MYT1L: variants seen among roughly 807,000 people sequenced by gnomAD.
MYT1L encodes the protein myelin transcription factor 1-like protein.
A neutral mutation model predicts 126.7 loss-of-function variants in MYT1L; 12 were observed. That is an observed-to-expected ratio of 0.09 (90% CI 0.06 to 0.15). MYT1L has a LOEUF of 0.15. MYT1L is among the 10% of genes least tolerant of loss of function. The pLI is 1.00. For missense variants in MYT1L, 979 were observed against 1,585.2 expected, an observed-to-expected ratio of 0.62 and a Z score of 6.49; for synonymous variants, 541 against 604.2, an observed-to-expected ratio of 0.90 and a Z score of 1.53.
rs189752453 is a variant in MYT1L at position 1,961,059 on chromosome 2, C to T, written c.153-17725G>A. ...AGTTAGCACTCAACAATTAGTATCGCGGAATACATTTTTAGCAATCTGTAG... is the reference window on the plus strand; with the variant it reads ...AGTTAGCACTCAACAATTAGTATCGTGGAATACATTTTTAGCAATCTGTAG... On this transcript the variant is annotated intron_variant, in intron 8 of 24. Transcript: ENST00000647738. Among the ~76,000 whole-genome samples, 606 of 144,410 alleles carry T rather than the reference C, an allele frequency of 4.2e-3. 8 individuals are homozygous for T. The highest frequency in any genetic ancestry group is 0.014 in the African/African-American group (581 of 41,076). 94.7% of individuals were successfully genotyped at this position (144,410 alleles called of 152,430 possible).
In MYT1L at chr2:1,922,605, C is replaced by G. The variant is rs1310409162; in HGVS notation, c.1164G>C (p.Gln388His). The G allele has an allele frequency of 6.2e-7, 1 of 1,614,038 alleles. No homozygotes were observed. Among genetic ancestry groups the G allele is most frequent in the East Asian group, 2.2e-5 (1 of 44,876 alleles). ...CAAACACTCTCGACCGGGGGCTCAACTGCTCCTCCAGCCGCATGAGGTTCA... is the reference window on the plus strand; with the variant it reads ...CAAACACTCTCGACCGGGGGCTCAAGTGCTCCTCCAGCCGCATGAGGTTCA... ...DMLNLMRLEE[Q>H]LSPRSRVFAS... Residue 388 changes from glutamine (Q) to histidine (H), a missense_variant, in exon 10 of 25, where the codon CAG (glutamine) becomes CAC (histidine). Around this residue, in one of 12 missense-constraint regions of MYT1L, gnomAD observed 243 missense variants for 363.9 expected, o/e 0.67. Transcript: ENST00000647738. The surrounding 1 kb of genome is among the most constrained non-coding windows in gnomAD (Gnocchi z 7.4).
At chr2:1,879,247 C>A (rs1262725494) in intron 18 of MYT1L, among the ~76,000 whole-genome samples, 1 of 152,208 alleles carries the variant, frequency 6.6e-6, no homozygotes, top group Non-Finnish European at 1.5e-5. Context: ...CCAAAGGGAG[C>A]ATCTACTTTA....
At chr2:2,119,490 T>C (rs544183923) in intron 3 of MYT1L, among the ~76,000 whole-genome samples, 78 of 152,222 alleles carry the variant, frequency 5.1e-4, no homozygotes, top group Non-Finnish European at 8.1e-4. Flanking sequence ...ACTACTGAAT[T>C]AAGTATTTGA....
intron 21 of MYT1L, chr2:1,810,217 C>T (rs923233201): frequency 5.9e-5 from 9 of 151,752 alleles, no homozygotes; most frequent in Admixed American, 3.9e-4. Context: ...GCCTCTGCCT[C>T]CTGGGTTCCA....
intron 9 of MYT1L, among the ~76,000 whole-genome samples, chr2:1,934,727 T>TACACACACACAC (rs56320658): frequency 1.0e-4 from 14 of 138,390 alleles, no homozygotes; most frequent in African/African-American, 2.7e-4. Flanking sequence ...CTCTGTCATG[T>TACACACACACAC]ACACACACAC....
intron 2 of MYT1L, among the ~76,000 whole-genome samples, chr2:2,197,105 G>A (rs2148791564): frequency 6.6e-6 from 1 of 152,266 alleles, no homozygotes; most frequent in South Asian, 2.1e-4. Context: ...TTGAATGTTG[G>A]TTAGGGAACA....
chr2:1,956,541 CTA>C (rs1186073011), intron 8 of MYT1L, among the ~76,000 whole-genome samples: 3 of 147,060 alleles, frequency 2.0e-5, no homozygotes, highest in African/African-American at 7.5e-5. Flanking sequence ...ATCTATCTAT[CTA>C]TCTATCATCT....
intron 2 of MYT1L, among the ~76,000 whole-genome samples, chr2:2,246,852 T>C (rs2094545089): frequency 6.6e-6 from 1 of 152,202 alleles, no homozygotes; most frequent in South Asian, 2.1e-4. Context: ...TATGAACATG[T>C]TCAATGCTTT....
rs141546791 is a variant in MYT1L, at chr2:2,144,582, C to T, written c.-304+28290G>A. 1.6e-3 allele frequency among the ~76,000 whole-genome samples: 243 copies of T among 152,246 alleles called. 1 individual carries two copies. The highest frequency in any genetic ancestry group is 5.6e-3 in the African/African-American group (233 of 41,548). Reference sequence around the variant, plus strand: ...AAACCTTATGGACTAGTGTGGGAAACGGCAGACACTTTAGGTGCTGGATCC... The same window carrying T: ...AAACCTTATGGACTAGTGTGGGAAATGGCAGACACTTTAGGTGCTGGATCC... On this transcript the variant is annotated intron_variant, in intron 3 of 24. Coordinates refer to ENST00000647738, the MANE Select transcript of MYT1L (RefSeq NM_001303052.2).
chr2:2,294,719 C>A (rs1378934848), intron 1 of MYT1L, among the ~76,000 whole-genome samples: 1 of 152,126 alleles, frequency 6.6e-6, no homozygotes, highest in Non-Finnish European at 1.5e-5. Context: ...AAACATTCAG[C>A]CCATTATTAA....
chr2:1,977,179 A>C (rs946301803), intron 8 of MYT1L, among the ~76,000 whole-genome samples: 16 of 151,966 alleles, frequency 1.1e-4, no homozygotes, highest in Non-Finnish European at 7.4e-5. Flanking sequence ...AGCTTCCATG[A>C]CTCCTCCCTA....
At chr2:1,838,021 C>T (rs1020253177) in intron 21 of MYT1L, among the ~76,000 whole-genome samples, 1 of 151,848 alleles carries the variant, frequency 6.6e-6, no homozygotes, top group Non-Finnish European at 1.5e-5. Context: ...AAGTGATTAT[C>T]CTGCCTCAGC....
intron 9 of MYT1L, among the ~76,000 whole-genome samples, chr2:1,938,838 T>G (rs1431842035): frequency 6.6e-6 from 1 of 152,266 alleles, no homozygotes; most frequent in Non-Finnish European, 1.5e-5. Flanking sequence ...GCAACAATGC[T>G]GGAGGATCCT....
At chr2:2,065,702 A>G (rs1180718162) in intron 3 of MYT1L, among the ~76,000 whole-genome samples, 1 of 152,142 alleles carries the variant, frequency 6.6e-6, no homozygotes, top group Non-Finnish European at 1.5e-5. Context: ...CTCCCATTCC[A>G]ATATGATCAT....
intron 2 of MYT1L, among the ~76,000 whole-genome samples, chr2:2,249,113 A>G: frequency 6.6e-6 from 1 of 152,178 alleles, no homozygotes; most frequent in East Asian, 1.9e-4. Flanking sequence ...TATATTTGGA[A>G]AAAAACTAAA....
intron 2 of MYT1L, among the ~76,000 whole-genome samples, chr2:2,199,831 C>G (rs911009042): frequency 1.3e-5 from 2 of 152,180 alleles, no homozygotes; most frequent in African/African-American, 2.4e-5. Flanking sequence ...CACAAACCTG[C>G]TTCCCACTAC....
At chr2:1,909,551 G>C (rs1392887050) in intron 13 of MYT1L, among the ~76,000 whole-genome samples, 1 of 152,188 alleles carries the variant, frequency 6.6e-6, no homozygotes, top group Non-Finnish European at 1.5e-5. Context: ...AAGAATGAAA[G>C]CTGTATAGAA....
intron 9 of MYT1L, among the ~76,000 whole-genome samples, chr2:1,932,510 G>T (rs1573699374): frequency 6.6e-6 from 1 of 152,194 alleles, no homozygotes; most frequent in African/African-American, 2.4e-5. Flanking sequence ...ATGAACCAAA[G>T]AAACAGAATC....
rs576303893 is a variant in MYT1L, at chr2:1,941,884, C to T, written c.505+1098G>A. 1.8e-3 allele frequency among the ~76,000 whole-genome samples: 269 copies of T among 152,244 alleles called. 1 individual carries two copies. Among genetic ancestry groups the T allele is most frequent in the African/African-American group, 6.1e-3 (253 of 41,554 alleles). On this transcript the variant is annotated intron_variant, in intron 9 of 24. Coordinates refer to ENST00000647738, the MANE Select transcript of MYT1L (RefSeq NM_001303052.2). ...TTCATAAAATTCAGGTTTCCTAGTA[C>T]AAACTCCTCTGACTTCTGAAGGAGG...
Sources: allele counts gnomAD v4.1 joint callset (sites outside exome capture counted in the v4.1 genomes callset), GRCh38; gene constraint gnomAD v4.1.1; regional missense constraint gnomAD v4.1.1; non-coding constraint Gnocchi (gnomAD v3.1); transcripts MANE v1.5; gene names NCBI Gene and HGNC (gene_info 2026-07-23, HGNC 2026-07-21).